Variants in OLFM3 observed in about 807,000 individuals in gnomAD.
The protein encoded by OLFM3 is noelin-3.
OLFM3 carries 20 observed loss-of-function variants against 48.6 expected under a neutral mutation model. The observed-to-expected ratio is 0.41, with a 90% confidence interval of 0.29 to 0.60. The LOEUF is 0.60. Ranked by LOEUF, OLFM3 falls within the 20% of genes least tolerant of loss-of-function variation. The pLI is 0.28. For synonymous variants in OLFM3, 222 were observed against 198.1 expected, an observed-to-expected ratio of 1.12 and a Z score of -1.01; for missense variants, 437 against 544.3, an observed-to-expected ratio of 0.80 and a Z score of 1.96.
At chr1:101,922,755 G>A (rs928841306) in intron 1 of OLFM3, among the ~76,000 whole-genome samples, 2 of 152,168 alleles carry the variant, frequency 1.3e-5, no homozygotes, top group Admixed American at 1.3e-4. Flanking sequence ...TTGTTAACCA[G>A]AATATTTTCC....
chr1:101,982,225 T>C (rs1661123423), intron 1 of OLFM3, among the ~76,000 whole-genome samples: 1 of 152,114 alleles, frequency 6.6e-6, no homozygotes, highest in Non-Finnish European at 1.5e-5. Context: ...GTGCAAAGAA[T>C]CTCCACTTAT....
intron 1 of OLFM3, among the ~76,000 whole-genome samples, chr1:101,905,603 C>G (rs530748069): frequency 1.3e-5 from 2 of 152,112 alleles, no homozygotes; most frequent in Non-Finnish European, 2.9e-5. Context: ...ATCAAGCTAA[C>G]AGCCAGTTTC....
chr1:101,866,246 T>C (rs1271194188), intron 1 of OLFM3, among the ~76,000 whole-genome samples: 1 of 152,160 alleles, frequency 6.6e-6, no homozygotes, highest in East Asian at 1.9e-4. Flanking sequence ...AATTAGAAGA[T>C]CACTACTTTT....
intron 1 of OLFM3, among the ~76,000 whole-genome samples, chr1:101,899,603 AAC>A (rs1411796462): frequency 6.6e-6 from 1 of 152,158 alleles, no homozygotes; most frequent in Non-Finnish European, 1.5e-5. Context: ...GTTGCTGGTA[AAC>A]GTTTGACATT....
At chr1:101,835,593 G>A (rs1252775350) in intron 2 of OLFM3, among the ~76,000 whole-genome samples, 2 of 152,212 alleles carry the variant, frequency 1.3e-5, no homozygotes, top group Non-Finnish European at 2.9e-5. Context: ...GGGATTACAG[G>A]CGTGAGCCAG....
At chr1:101,839,517 T>A (rs1432273987) in intron 1 of OLFM3, among the ~76,000 whole-genome samples, 2 of 152,192 alleles carry the variant, frequency 1.3e-5, no homozygotes, top group Non-Finnish European at 2.9e-5. Context: ...AAATCTAAAA[T>A]ATGCCAGAAA....
Position 101,850,405 on chromosome 1 carries a change from T to C in OLFM3, c.70-13380A>G, listed in dbSNP as rs1266978436. 2.0e-5 allele frequency among the ~76,000 whole-genome samples: 3 copies of C among 152,196 alleles called. No individual in the cohort carries two copies. In the East Asian group the frequency reaches 5.8e-4, roughly 29 times the overall value. On this transcript the variant is annotated intron_variant, in intron 1 of 5. Coordinates refer to ENST00000370103, the MANE Select transcript of OLFM3 (RefSeq NM_058170.4). ...ATAGACTTATATAGTAAATAATAAA[T>C]AAGCAAATAAATATTGAGTGAGAAT...
chr1:101,846,875 G>A, intron 1 of OLFM3: 11 of 1,612,662 alleles, frequency 6.8e-6, no homozygotes, highest in Non-Finnish European at 9.3e-6. Context: ...GCCTCGTGGT[G>A]TTCAGTCCCA....
At chr1:101,915,075 CTACA>C (rs1480664768) in intron 1 of OLFM3, among the ~76,000 whole-genome samples, 1 of 152,158 alleles carries the variant, frequency 6.6e-6, no homozygotes, top group African/African-American at 2.4e-5. Flanking sequence ...GGTACCAACA[CTACA>C]TAAAGTAGGT....
chr1:101,944,655 A>G (rs1659899042), intron 1 of OLFM3, among the ~76,000 whole-genome samples: 1 of 152,082 alleles, frequency 6.6e-6, no homozygotes, highest in Admixed American at 6.6e-5. Context: ...CGAGGTGTGC[A>G]GATCACCTGA....
At chr1:101,878,259 T>C (rs1657380440) in intron 1 of OLFM3, among the ~76,000 whole-genome samples, 1 of 151,904 alleles carries the variant, frequency 6.6e-6, no homozygotes, top group African/African-American at 2.4e-5. Flanking sequence ...GTTGTGTTAA[T>C]GGTCATATGC....
chr1:101,941,217 G>A (rs1659786408), intron 1 of OLFM3, among the ~76,000 whole-genome samples: 3 of 152,174 alleles, frequency 2.0e-5, no homozygotes, highest in Admixed American at 2.0e-4. Flanking sequence ...GGCAGTGGCA[G>A]AGTTACTGGC....
At chr1:101,806,832 C>T (rs1198655687) in intron 4 of OLFM3, among the ~76,000 whole-genome samples, 1 of 151,674 alleles carries the variant, frequency 6.6e-6, no homozygotes, top group Admixed American at 6.6e-5. Flanking sequence ...ACCCTGAAGT[C>T]ACATACAGAT....
intron 1 of OLFM3, among the ~76,000 whole-genome samples, chr1:101,934,680 C>G (rs1203417961): frequency 6.6e-6 from 1 of 152,020 alleles, no homozygotes; most frequent in Non-Finnish European, 1.5e-5. Context: ...TTCTCATCTG[C>G]ACATAGCATA....
chr1:101,818,298 T>A (rs991135878), intron 4 of OLFM3, among the ~76,000 whole-genome samples: 6 of 152,008 alleles, frequency 3.9e-5, no homozygotes, highest in Admixed American at 2.6e-4. Context: ...TCTAGAAAAA[T>A]GTAGGAGATA....
intron 1 of OLFM3, among the ~76,000 whole-genome samples, chr1:101,891,555 C>T (rs992222907): frequency 6.6e-6 from 1 of 151,844 alleles, no homozygotes; most frequent in Admixed American, 6.6e-5. Context: ...GGACCATCCT[C>T]TCATTTTTGA....
rs372974507 is a variant in OLFM3 at position 101,957,690 on chromosome 1, T to G, written c.69+39058A>C. 9.3e-4 allele frequency among the ~76,000 whole-genome samples: 142 copies of G among 152,142 alleles called. 1 individual carries two copies. The highest frequency in any genetic ancestry group is 3.3e-3 in the African/African-American group (137 of 41,548). ...TTATAAAGACTAGATGTTACATAAG[T>G]GAGGTCTCTCTGGGAAGAGGCTGAA... On this transcript the variant is annotated intron_variant, in intron 1 of 5. Transcript: ENST00000370103.
At position 101,949,931 on chromosome 1, in the gene OLFM3, G is replaced by GAAAAAAAAAA. The variant is rs71088114; in HGVS notation, c.69+46807_69+46816dup. On this transcript the variant is annotated intron_variant, in intron 1 of 5. Transcript: ENST00000370103. ...TGGGCAACAGAGCAAGACTCCGTCT[G>GAAAAAAAAAA]AAAAAAAAAAAAAAAAAGCCTCTGA... 1.7e-4 allele frequency among the ~76,000 whole-genome samples: 9 copies of GAAAAAAAAAA among 53,374 alleles called. 1 individual carries two copies. Among genetic ancestry groups the GAAAAAAAAAA allele is most frequent in the Admixed American group, 2.9e-4 (1 of 3,436 alleles). 35.0% of individuals were successfully genotyped at this position (53,374 alleles called of 152,430 possible).
At chr1:101,966,350 T>TGTGTGTGTGTGTGCGC (rs542204512) in intron 1 of OLFM3, among the ~76,000 whole-genome samples, 5 of 99,908 alleles carry the variant, frequency 5.0e-5, no homozygotes, top group African/African-American at 1.9e-4. Context: ...TGTGTGTGTG[T>TGTGTGTGTGTGTGCGC]GCGCTACAGA....
Sources: allele counts gnomAD v4.1 joint callset (sites outside exome capture counted in the v4.1 genomes callset), GRCh38; gene constraint gnomAD v4.1.1; transcripts MANE v1.5; gene names NCBI Gene and HGNC (gene_info 2026-07-23, HGNC 2026-07-21).